The following CATSPERT variants were observed in gnomAD, a reference collection of about 807,000 sequenced individuals.
CATSPERT encodes cation channel sperm-associated targeting subunit tau.
chr2:201,537,624 T>C, the CATSPERT span: 1 of 572,234 alleles, frequency 1.7e-6, no homozygotes, highest in East Asian at 3.0e-5. Context: ...ACATAAACAC[T>C]ACTTAGTATA....
chr2:201,580,435 A>C, the CATSPERT span, among the ~76,000 whole-genome samples: 1 of 152,234 alleles, frequency 6.6e-6, no homozygotes, highest in African/African-American at 2.4e-5. Context: ...AAAGAGTTGC[A>C]AAAACAATAA....
the CATSPERT span, among the ~76,000 whole-genome samples, chr2:201,600,084 G>A: frequency 6.6e-6 from 1 of 151,308 alleles, no homozygotes; most frequent in African/African-American, 2.4e-5. Flanking sequence ...TCCCATTACT[G>A]GGCATATACC....
At chr2:201,588,865 G>A in the CATSPERT span, among the ~76,000 whole-genome samples, 2 of 152,044 alleles carry the variant, frequency 1.3e-5, no homozygotes, top group Admixed American at 1.3e-4. Flanking sequence ...AAACCCCATA[G>A]TCTCACCCCA....
At chr2:201,552,127 A>G in the CATSPERT span, among the ~76,000 whole-genome samples, 1 of 151,514 alleles carries the variant, frequency 6.6e-6, no homozygotes, top group South Asian at 2.1e-4. Context: ...TTGAGTAACT[A>G]CAGGTGCATG....
chr2:201,594,079 G>A, the CATSPERT span, among the ~76,000 whole-genome samples: 1 of 152,266 alleles, frequency 6.6e-6, no homozygotes, highest in Middle Eastern at 3.4e-3. Flanking sequence ...AGCCTCGATG[G>A]TCTTTACATT....
chr2:201,607,581 G>A, the CATSPERT span, among the ~76,000 whole-genome samples: 2 of 152,056 alleles, frequency 1.3e-5, no homozygotes, highest in Non-Finnish European at 2.9e-5. Context: ...GTTCAAGGCT[G>A]TAGTGAGCTA....
chr2:201,582,380 C>T, the CATSPERT span, among the ~76,000 whole-genome samples: 5 of 152,190 alleles, frequency 3.3e-5, no homozygotes, highest in East Asian at 1.9e-4. Flanking sequence ...CCTAGTGATA[C>T]GTTTTTGTAT....
chr2:201,518,608 C>T, the CATSPERT span, among the ~76,000 whole-genome samples: 12 of 152,306 alleles, frequency 7.9e-5, no homozygotes, highest in African/African-American at 2.6e-4. Context: ...GGTGTGTTGA[C>T]AATGTCCAAG....
At chr2:201,489,801 A>G in the CATSPERT span, among the ~76,000 whole-genome samples, 16 of 151,958 alleles carry the variant, frequency 1.1e-4, no homozygotes. Flanking sequence ...CCATTCCTAG[A>G]TTTTAAATTT....
At chr2:201,550,294 C>T in the CATSPERT span, 10 of 152,266 alleles carry the variant, frequency 6.6e-5, no homozygotes, top group Non-Finnish European at 1.2e-4. Flanking sequence ...GCACCTATGT[C>T]ATCGTGAAGC....
chr2:201,496,026 CAT>C, the CATSPERT span: 1 of 1,165,576 alleles, frequency 8.6e-7, no homozygotes, highest in Non-Finnish European at 1.2e-6. Context: ...ATATCAAGAT[CAT>C]TTTATTCTTG....
the CATSPERT span, among the ~76,000 whole-genome samples, chr2:201,564,418 G>A: frequency 7.1e-6 from 1 of 140,394 alleles, no homozygotes; most frequent in East Asian, 2.3e-4. Context: ...TGTAAGAACT[G>A]ACTGAAAACT....
the CATSPERT span, among the ~76,000 whole-genome samples, chr2:201,581,480 A>ATT: frequency 1.0e-3 from 1 of 968 alleles, no homozygotes; most frequent in African/African-American, 2.8e-3. Flanking sequence ...ATTCCGGAAT[A>ATT]TATATATATA....
At chr2:201,488,133 T>C in the CATSPERT span, among the ~76,000 whole-genome samples, 1 of 152,224 alleles carries the variant, frequency 6.6e-6, no homozygotes, top group Non-Finnish European at 1.5e-5. Flanking sequence ...CTGTGCTAGA[T>C]ACTATGCTAG....
chr2:201,546,223 G>C, the CATSPERT span, among the ~76,000 whole-genome samples: 1 of 152,184 alleles, frequency 6.6e-6, no homozygotes, highest in Non-Finnish European at 1.5e-5. Context: ...AATTATCACA[G>C]AGGTATAAAA....
At chr2:201,553,111 T>A in the CATSPERT span, 39 of 152,260 alleles carry the variant, frequency 2.6e-4, no homozygotes, top group African/African-American at 8.9e-4. Context: ...ATTTATCATA[T>A]CACATGTTTT....
At chr2:201,536,552 T>A in the CATSPERT span, among the ~76,000 whole-genome samples, 3 of 151,918 alleles carry the variant, frequency 2.0e-5, no homozygotes, top group African/African-American at 7.2e-5. Flanking sequence ...GGTTCTCATA[T>A]ATCCAAATTT....
At chr2:201,617,167 C>T in the CATSPERT span, among the ~76,000 whole-genome samples, 1 of 152,188 alleles carries the variant, frequency 6.6e-6, no homozygotes, top group Non-Finnish European at 1.5e-5. Flanking sequence ...CCATCCCCAT[C>T]AAGCTACCAA....
At chr2:201,511,868 A>C in the CATSPERT span, 33 of 150,922 alleles carry the variant, frequency 2.2e-4, no homozygotes, top group African/African-American at 8.0e-4. Context: ...AAAAAAAAAA[A>C]AAAAACTCTT....
Sources: gnomAD v4.1 joint callset for allele counts (sites outside exome capture counted in the v4.1 genomes callset) on GRCh38, gnomAD v4.1.1 for gene constraint, MANE v1.5 for transcripts, NCBI Gene and HGNC (gene_info 2026-07-23, HGNC 2026-07-21) for gene names.